The following PLXDC2 variants were observed in gnomAD, a reference collection of about 807,000 sequenced individuals.
The protein encoded by PLXDC2 is plexin domain-containing protein 2.
PLXDC2 carries 40 observed loss-of-function variants against 68.9 expected under a neutral mutation model. The ratio of observed to expected loss-of-function variants is 0.58; its 90% CI spans 0.45 to 0.76. The LOEUF (loss-of-function observed/expected upper bound fraction) is 0.76. Among genes scored for constraint, PLXDC2 ranks in the 30% least tolerant of loss-of-function variants. The pLI is 0.00. For synonymous variants in PLXDC2, 243 were observed against 234.2 expected (o/e 1.04, Z -0.34); for missense variants, 644 against 661.9 (o/e 0.97, Z 0.30).
At chr10:20,248,600 C>G (rs1162923153) in intron 13 of PLXDC2, among the ~76,000 whole-genome samples, 1 of 152,154 alleles carries the variant, frequency 6.6e-6, no homozygotes, top group East Asian at 1.9e-4. Context: ...TAAATCACTA[C>G]CTATCTGACA....
intron 7 of PLXDC2, among the ~76,000 whole-genome samples, chr10:20,172,666 A>C (rs1054074506): frequency 1.6e-4 from 25 of 152,308 alleles, no homozygotes; most frequent in Admixed American, 1.0e-3. Flanking sequence ...AAAGGAAGGC[A>C]GGAAATGCAG....
At chr10:20,013,471 AAG>A (rs1835151463) in intron 2 of PLXDC2, among the ~76,000 whole-genome samples, 1 of 152,186 alleles carries the variant, frequency 6.6e-6, no homozygotes, top group Non-Finnish European at 1.5e-5. Flanking sequence ...ATAATTTTCA[AAG>A]ATGAATGCAT....
At chr10:19,880,104 G>T (rs1321479165) in intron 1 of PLXDC2, among the ~76,000 whole-genome samples, 2 of 152,040 alleles carry the variant, frequency 1.3e-5, no homozygotes, top group Non-Finnish European at 2.9e-5. Flanking sequence ...TAATGCTTGG[G>T]TGACTACTCT....
intron 6 of PLXDC2, among the ~76,000 whole-genome samples, chr10:20,162,445 G>C (rs1834312764): frequency 6.6e-6 from 1 of 152,156 alleles, no homozygotes; most frequent in Non-Finnish European, 1.5e-5. Context: ...TGAACTCACA[G>C]AAGTTGGAGA....
chr10:20,225,447 G>C (rs1195250080), intron 12 of PLXDC2, among the ~76,000 whole-genome samples: 1 of 151,850 alleles, frequency 6.6e-6, no homozygotes, highest in Non-Finnish European at 1.5e-5. Context: ...CATTTTAACA[G>C]GCTATTGAAT....
intron 1 of PLXDC2, among the ~76,000 whole-genome samples, chr10:19,889,510 G>A (rs993151183): frequency 1.3e-5 from 2 of 152,088 alleles, no homozygotes; most frequent in African/African-American, 4.8e-5. Flanking sequence ...AATGACTCAG[G>A]CACTCTTAAA....
intron 1 of PLXDC2, among the ~76,000 whole-genome samples, chr10:19,980,510 G>A (rs1037266699): frequency 1.3e-5 from 2 of 152,208 alleles, no homozygotes; most frequent in African/African-American, 2.4e-5. Context: ...TTCTGGTGAG[G>A]GACCTCTTCC....
At chr10:19,883,026 G>T (rs1304559559) in intron 1 of PLXDC2, among the ~76,000 whole-genome samples, 2 of 146,742 alleles carry the variant, frequency 1.4e-5, no homozygotes, top group Non-Finnish European at 3.0e-5. Context: ...GCTCGATCTC[G>T]GCTCACTACA....
At chr10:20,051,003 G>T (rs929640741) in intron 3 of PLXDC2, among the ~76,000 whole-genome samples, 1 of 152,044 alleles carries the variant, frequency 6.6e-6, no homozygotes, top group African/African-American at 2.4e-5. Flanking sequence ...ATCAATGACA[G>T]ATTGGATAAA....
At chr10:20,185,310 G>C (rs375008109) in intron 9 of PLXDC2, among the ~76,000 whole-genome samples, 1 of 151,832 alleles carries the variant, frequency 6.6e-6, no homozygotes, top group African/African-American at 2.4e-5. Flanking sequence ...AAGAGACAAT[G>C]TGTCAGGCTC....
chr10:20,041,773 G>A (rs1205794068), intron 2 of PLXDC2, among the ~76,000 whole-genome samples: 5 of 152,094 alleles, frequency 3.3e-5, no homozygotes, highest in South Asian at 2.1e-4. Flanking sequence ...AGTGCCAGCT[G>A]TTTGGGTTCT....
chr10:20,014,842 A>G (rs767288112), intron 2 of PLXDC2, among the ~76,000 whole-genome samples: 10 of 152,094 alleles, frequency 6.6e-5, no homozygotes, highest in South Asian at 6.2e-4. Flanking sequence ...AAAAAACTCT[A>G]TTTTTATCTT....
intron 13 of PLXDC2, among the ~76,000 whole-genome samples, chr10:20,262,315 G>A (rs1482891916): frequency 2.0e-5 from 3 of 152,192 alleles, no homozygotes; most frequent in East Asian, 1.9e-4. Context: ...TCAGTTTTAT[G>A]TAATCTCACT....
chr10:19,869,226 G>A (rs747027828), intron 1 of PLXDC2, among the ~76,000 whole-genome samples: 44 of 151,798 alleles, frequency 2.9e-4, no homozygotes, highest in Admixed American at 2.0e-3. Context: ...GAGAAACCTC[G>A]TCTCACAAAA....
At chr10:20,013,405 G>A (rs1589585718) in intron 2 of PLXDC2, among the ~76,000 whole-genome samples, 2 of 151,948 alleles carry the variant, frequency 1.3e-5, no homozygotes, top group African/African-American at 4.8e-5. Flanking sequence ...TTCATGACAG[G>A]ATTTTTTACC....
chr10:20,126,013 A>G (rs1238466748), intron 4 of PLXDC2, among the ~76,000 whole-genome samples: 1 of 148,476 alleles, frequency 6.7e-6, no homozygotes, highest in Admixed American at 6.8e-5. Flanking sequence ...TTATACAAAC[A>G]CTACATATAT....
chr10:20,173,376 T>C (rs141476839), intron 7 of PLXDC2, among the ~76,000 whole-genome samples: 60 of 152,300 alleles, frequency 3.9e-4, no homozygotes, highest in Non-Finnish European at 7.6e-4. Context: ...TGTGTGAATG[T>C]TATGCTTTCA....
intron 2 of PLXDC2, among the ~76,000 whole-genome samples, chr10:20,039,103 G>A (rs1206230302): frequency 6.6e-6 from 1 of 152,174 alleles, no homozygotes; most frequent in Non-Finnish European, 1.5e-5. Context: ...CAGTTCACCT[G>A]TCTGCAAGTT....
intron 12 of PLXDC2, among the ~76,000 whole-genome samples, chr10:20,229,910 A>G (rs1588531363): frequency 6.6e-6 from 1 of 152,180 alleles, no homozygotes; most frequent in Non-Finnish European, 1.5e-5. Flanking sequence ...CAGTTAACAT[A>G]CTCACCAGCC....
Sources: allele counts gnomAD v4.1 joint callset (sites outside exome capture counted in the v4.1 genomes callset), GRCh38; gene constraint gnomAD v4.1.1; transcripts MANE v1.5; gene names NCBI Gene and HGNC (gene_info 2026-07-23, HGNC 2026-07-21).